Variants in SLC5A1 observed in about 807,000 individuals in gnomAD.
The protein encoded by SLC5A1 is sodium/glucose cotransporter 1.
Under a neutral mutation model 73.5 loss-of-function variants are expected in SLC5A1, and 42 were observed. The observed-to-expected ratio is 0.57, with a 90% CI of 0.45 to 0.74. The LOEUF is 0.74. Ranked by LOEUF, SLC5A1 falls within the 30% of genes least tolerant of loss-of-function variation. The pLI, the probability that SLC5A1 is intolerant of heterozygous loss-of-function variation, is 0.00. For missense variants in SLC5A1, 634 were observed against 855.4 expected (o/e 0.74, Z 3.23); for synonymous variants, 300 against 317.4 (o/e 0.95, Z 0.58).
rs1487013939 is a variant in SLC5A1, at chr22:32,110,353, T to C, written c.*140T>C. 2 of 714,732 alleles carry C rather than the reference T, an allele frequency of 2.8e-6. No individual in the cohort carries two copies. Among genetic ancestry groups the C allele is most frequent in the East Asian group, 2.7e-5 (1 of 37,266 alleles). 44.3% of individuals were successfully genotyped at this position (714,732 alleles called of 1,614,324 possible). ...AATGTGTACATGTGTAATTATAGGC[T>C]AGCTGGAAGAAAACCATTAGTTTGC... On this transcript the variant is annotated 3_prime_UTR_variant, in exon 15 of 15. Coordinates refer to ENST00000266088, the MANE Select transcript of SLC5A1 (RefSeq NM_000343.4).
At chr22:32,086,436 G>A (rs183089001) in intron 10 of SLC5A1, 109 bp downstream of exon 10, 4 of 801,752 alleles carry the variant, frequency 5.0e-6, no homozygotes, top group African/African-American at 1.7e-5. Flanking sequence ...TTCTTAGCCG[G>A]GGGGTTAGAA....
chr22:32,103,640 A>G (rs1051062494), intron 13 of SLC5A1, among the ~76,000 whole-genome samples: 4 of 152,266 alleles, frequency 2.6e-5, no homozygotes, highest in African/African-American at 9.6e-5. Context: ...TCCCATGGTC[A>G]AAGCTTTCAA....
At chr22:32,059,313 G>A (rs1189125476) in intron 2 of SLC5A1, 8 of 985,484 alleles carry the variant, frequency 8.1e-6, no homozygotes, top group African/African-American at 1.7e-5. Context: ...GATGTGACAC[G>A]CACCAGGAGA....
intron 5 of SLC5A1, among the ~76,000 whole-genome samples, chr22:32,078,459 G>A (rs1255554306): frequency 6.6e-6 from 1 of 151,692 alleles, no homozygotes; most frequent in African/African-American, 2.4e-5. Context: ...GTAGAGACAG[G>A]GTTTTACCAT....
chr22:32,060,684 C>T (rs2149486014), intron 2 of SLC5A1, among the ~76,000 whole-genome samples: 1 of 152,274 alleles, frequency 6.6e-6, no homozygotes, highest in South Asian at 2.1e-4. Flanking sequence ...ATCCTCCCAC[C>T]TCAGCCTTCC....
chr22:32,076,850 G>T (rs185322288), intron 5 of SLC5A1, among the ~76,000 whole-genome samples: 1 of 152,198 alleles, frequency 6.6e-6, no homozygotes, highest in Non-Finnish European at 1.5e-5. Flanking sequence ...TCCAACGGGG[G>T]TCTGTATTTT....
At chr22:32,069,576 G>C (rs2093979550) in intron 5 of SLC5A1, among the ~76,000 whole-genome samples, 1 of 151,958 alleles carries the variant, frequency 6.6e-6, no homozygotes, top group South Asian at 2.1e-4. Flanking sequence ...ATTTGTTTGA[G>C]GTAATGTATA....
At chr22:32,064,360 G>T (rs990753087) in intron 2 of SLC5A1, among the ~76,000 whole-genome samples, 4 of 152,090 alleles carry the variant, frequency 2.6e-5, no homozygotes, top group Non-Finnish European at 4.4e-5. Context: ...GTCGGCTGTG[G>T]TGGTGCGCGC....
In SLC5A1 at chr22:32,084,948, G is replaced by A. The variant is rs142230209; in HGVS notation, c.934G>A (p.Gly312Ser). ...LSAKNMSHVK[G>S]GCILCGYLKL... ...AGCCAAGAATATGTCTCACGTGAAG[G>A]GTGGCTGCATCCTGTGTGGGTATCT... Residue 312 changes from glycine to serine, a missense_variant, in exon 9 of 15, where the codon GGT becomes AGT. This residue lies in a region of SLC5A1 where 422 missense variants were observed against 626.1 expected (regional missense o/e 0.67). Transcript: ENST00000266088. 6.2e-7 allele frequency: 1 copy of A among 1,614,164 alleles called. No homozygotes were observed.
intron 11 of SLC5A1, among the ~76,000 whole-genome samples, chr22:32,095,658 TAAG>T (rs888616781): frequency 6.6e-5 from 10 of 152,326 alleles, no homozygotes; most frequent in Non-Finnish European, 1.5e-4. Context: ...TTAAAGAATA[TAAG>T]AAGAGCTACT....
chr22:32,106,021 A>T (rs2094045024), intron 14 of SLC5A1, among the ~76,000 whole-genome samples: 1 of 152,206 alleles, frequency 6.6e-6, no homozygotes, highest in Non-Finnish European at 1.5e-5. Flanking sequence ...AATCTTAGCC[A>T]TTGTAAACAG....
intron 2 of SLC5A1, among the ~76,000 whole-genome samples, chr22:32,064,667 T>C (rs770819632): frequency 1.3e-5 from 2 of 152,116 alleles, no homozygotes; most frequent in Non-Finnish European, 2.9e-5. Context: ...GTCCCACATT[T>C]CCCACATCTA....
chr22:32,104,704 T>C (rs898711224), intron 13 of SLC5A1, 82 bp from the exon 14 acceptor site: 3 of 958,244 alleles, frequency 3.1e-6, no homozygotes, highest in Non-Finnish European at 5.0e-6. Flanking sequence ...CCTTCCTTGA[T>C]GCATATCTCT....
intron 2 of SLC5A1, among the ~76,000 whole-genome samples, chr22:32,061,559 A>G (rs1184956225): frequency 6.6e-6 from 1 of 152,222 alleles, no homozygotes; most frequent in Non-Finnish European, 1.5e-5. Flanking sequence ...TTTAAGTGAT[A>G]GAGCCATTGT....
chr22:32,085,192 T>G (rs1336604580), intron 9 of SLC5A1, among the ~76,000 whole-genome samples, 157 bp downstream of exon 9: 1 of 152,190 alleles, frequency 6.6e-6, no homozygotes, highest in Non-Finnish European at 1.5e-5. Flanking sequence ...CATTGCTCAC[T>G]GCAGTCTCCA....
chr22:32,045,415 C>A lies in SLC5A1; in HGVS notation c.135+1999C>A, dbSNP rs759385112. Among the ~76,000 whole-genome samples the A allele has an allele frequency of 3.3e-5, 5 of 152,226 alleles. No homozygotes were observed. In the South Asian group the frequency reaches 1.0e-3, roughly 31 times the overall value. On this transcript the variant is annotated intron_variant, in intron 1 of 14. Transcript: ENST00000266088. ...AATCTTCCCCCATTAGACAATGCCT[C>A]TGGACCCTGGTCATTTAATGCATTG...
rs767045397 is a variant in SLC5A1 at position 32,110,087 on chromosome 22, A to G, written c.1869A>G (p.Glu623=). The change falls in exon 15 of 15, where the codon GAA becomes GAG. Residue 623 remains glutamate, a synonymous_variant. Transcript: ENST00000266088. ...EQHGAPKMTE[E]EEKAMKMKMT... Reference sequence around the variant, plus strand: ...ACGGTGCACCCAAGATGACTGAGGAAGAGGAGAAAGCCATGAAGATGAAGA... The same window carrying G: ...ACGGTGCACCCAAGATGACTGAGGAGGAGGAGAAAGCCATGAAGATGAAGA... 2.2e-5 allele frequency: 35 copies of G among 1,614,102 alleles called. 1 individual carries two copies. The East Asian group carries it at 7.6e-4, about 35-fold the overall frequency.
chr22:32,083,660 C>G (rs2094003450), intron 7 of SLC5A1, among the ~76,000 whole-genome samples: 1 of 151,526 alleles, frequency 6.6e-6, no homozygotes. Context: ...GTTGGCCCTC[C>G]AATTAATTTT....
chr22:32,099,106 AT>A (rs1314298626), intron 11 of SLC5A1, 76 bp from the exon 12 acceptor site: 888 of 71,276 alleles, frequency 0.012, 51 homozygotes, highest in African/African-American at 0.053. Flanking sequence ...AAAAAAAAAA[AT>A]ATATATATAT....
Sources: allele counts gnomAD v4.1 joint callset (sites outside exome capture counted in the v4.1 genomes callset), GRCh38; gene constraint gnomAD v4.1.1; regional missense constraint gnomAD v4.1.1; transcripts MANE v1.5; gene names NCBI Gene and HGNC (gene_info 2026-07-23, HGNC 2026-07-21).